ZNF512: variants seen among roughly 807,000 people sequenced by gnomAD.
ZNF512 encodes the protein zinc finger protein 512.
ZNF512 carries 25 observed loss-of-function variants against 77.5 expected under a neutral mutation model. The ratio of observed to expected loss-of-function variants is 0.32; its 90% CI spans 0.23 to 0.45. The LOEUF (loss-of-function observed/expected upper bound fraction) is 0.45, where lower values mean the gene tolerates loss of function less well. Ranked by LOEUF, ZNF512 falls within the 20% of genes least tolerant of loss-of-function variation. The probability of loss-of-function intolerance (pLI) is 1.00; values close to 1 mark genes in which losing one functional copy is unlikely to be tolerated. For synonymous variants in ZNF512, 246 were observed against 239.9 expected (o/e 1.03, Z -0.24); for missense variants, 483 against 692.6 (o/e 0.70, Z 3.40).
intron 10 of ZNF512, among the ~76,000 whole-genome samples, chr2:27,614,319 A>G (rs1672790127): frequency 6.6e-6 from 1 of 152,010 alleles, no homozygotes; most frequent in South Asian, 2.1e-4. Flanking sequence ...GGAGAGATCA[A>G]CTCATGTCAA....
chr2:27,615,056 C>T, intron 10 of ZNF512, 112 bp from the exon 11 acceptor site: 6 of 643,802 alleles, frequency 9.3e-6, no homozygotes, highest in Non-Finnish European at 1.6e-5. Context: ...TTTTTGTGTA[C>T]AAGAGTATAG....
chr2:27,602,845 A>G (rs1278602139), intron 8 of ZNF512, among the ~76,000 whole-genome samples: 7 of 151,970 alleles, frequency 4.6e-5, no homozygotes, highest in African/African-American at 1.2e-4. Flanking sequence ...ATTGCTGGGT[A>G]TTTGATATTG....
chr2:27,607,879 G>A lies in ZNF512; in HGVS notation c.971G>A (p.Cys324Tyr). 3.7e-6 allele frequency: 6 copies of A among 1,614,162 alleles called. 1 individual carries two copies. Among genetic ancestry groups the A allele is most frequent in the Middle Eastern group, 3.3e-4 (2 of 6,062 alleles). Residue 324 changes from cysteine to tyrosine, a missense_variant, in exon 10 of 14, where the codon TGC (cysteine) becomes TAC (tyrosine). By Grantham distance (194) the Cys-to-Tyr change is radical (BLOSUM62 -2). This residue lies in a region of ZNF512 where 324 missense variants were observed against 525.0 expected (regional missense o/e 0.62). Coordinates refer to ENST00000355467, the MANE Select transcript of ZNF512 (RefSeq NM_032434.4). ...TTTCCAGAGTCAGGACAGCCAGAGT[G>A]CTTAAAGGAGATGAACCTAGAGTCA... ...SFFPESGQPE[C>Y]LKEMNLESKS... is the part of the protein sequence containing the mutation.
At position 27,600,039 on chromosome 2, in the gene ZNF512, C is replaced by T; in HGVS notation, c.443C>T (p.Pro148Leu). 6 of 1,614,128 alleles carry T rather than the reference C, an allele frequency of 3.7e-6. No homozygotes were observed. The highest frequency in any genetic ancestry group is 5.1e-6 in the Non-Finnish European group (6 of 1,180,020). ...GCCCGTCGTATTCGGAAGGAACCACCAGTTTATGCAGCAGGTATGTTTTCT... is the reference window on the plus strand; with the variant it reads ...GCCCGTCGTATTCGGAAGGAACCACTAGTTTATGCAGCAGGTATGTTTTCT... Reference protein sequence around the residue: ...SQARRIRKEPPVYAAGSLEEQ... With the variant: ...SQARRIRKEPLVYAAGSLEEQ... Residue 148 changes from proline to leucine, a missense_variant, in exon 5 of 14, where the codon CCA (proline) becomes CTA (leucine). Physicochemically the swap from Pro to Leu is moderately conservative, Grantham distance 98. Around this residue, in one of 2 missense-constraint regions of ZNF512, gnomAD observed 324 missense variants for 525.0 expected, o/e 0.62. Coordinates refer to ENST00000355467, the MANE Select transcript of ZNF512 (RefSeq NM_032434.4).
At position 27,600,665 on chromosome 2, in the gene ZNF512, A is replaced by T. The variant is rs1276365041; in HGVS notation, c.458-26A>T. On this transcript the variant is annotated intron_variant, in intron 5 of 13. Coordinates refer to ENST00000355467, the MANE Select transcript of ZNF512 (RefSeq NM_032434.4). ...GTTTCTGGAGAATACTGCAGATTACAAAGTGTTTCTTTCTCTCCTTTGTAG... is the reference window on the plus strand; with the variant it reads ...GTTTCTGGAGAATACTGCAGATTACTAAGTGTTTCTTTCTCTCCTTTGTAG... 2.5e-6 allele frequency: 4 copies of T among 1,605,644 alleles called. No homozygotes were observed. In the Admixed American group the frequency reaches 6.9e-5, roughly 28 times the overall value.
At chr2:27,607,760 T>G (rs756603569) in intron 9 of ZNF512, 85 bp from the exon 10 acceptor site, 28 of 1,282,620 alleles carry the variant, frequency 2.2e-5, no homozygotes, top group Admixed American at 3.9e-5. Flanking sequence ...TTTTGATATT[T>G]AGAGCAGGAA....
intron 10 of ZNF512, 148 bp from the exon 11 acceptor site, chr2:27,615,020 T>G (rs748525434): frequency 3.9e-6 from 2 of 509,376 alleles, no homozygotes; most frequent in Non-Finnish European, 6.9e-6. Flanking sequence ...TTTCAGGTAC[T>G]TTATAGGGTC....
intron 2 of ZNF512, 31 bp downstream of exon 2, chr2:27,583,747 A>G: frequency 1.9e-6 from 3 of 1,612,152 alleles, no homozygotes; most frequent in Non-Finnish European, 2.5e-6. Context: ...TCCTTTTATG[A>G]TTGTGTCACC....
Position 27,599,673 on chromosome 2 carries a change from T to G in ZNF512, c.368T>G (p.Leu123Arg). The change falls in exon 4 of 14, where the codon CTT (leucine) becomes CGT (arginine). Residue 123 changes from leucine (L) to arginine (R), a missense_variant. This residue lies in a region of ZNF512 where 159 missense variants were observed against 167.5 expected (regional missense o/e 0.95). Coordinates refer to ENST00000355467, the MANE Select transcript of ZNF512 (RefSeq NM_032434.4). ...GAATTTCCTCAGAAGAAGCATAAGC[T>G]TTATGGTAAGGCAGTAACTTTGCTA... ...YREFPQKKHK[L>R]YGRKQRPKTQ... 6.2e-7 allele frequency: 1 copy of G among 1,613,660 alleles called. No homozygotes were observed. Among genetic ancestry groups the G allele is most frequent in the East Asian group, 2.2e-5 (1 of 44,890 alleles).
Position 27,616,294 on chromosome 2 carries a change from C to T in ZNF512, c.1266C>T (p.Gly422=). The T allele has an allele frequency of 6.2e-7, 1 of 1,614,014 alleles. No individual in the cohort carries two copies. Among genetic ancestry groups the T allele is most frequent in the Non-Finnish European group, 8.5e-7 (1 of 1,179,910 alleles). ...GCEAVYSSVS[G]LKAHLGSCTL... is the part of the protein sequence containing the mutation. ...AGGCTGTCTACAGCAGTGTATCTGG[C>T]CTTAAAGCTCACCTGGGCTCTTGTA... The change falls in exon 12 of 14, where the codon GGC becomes GGT. Residue 422 remains glycine, a synonymous_variant. Transcript: ENST00000355467.
chr2:27,586,132 G>A (rs1422264274), intron 2 of ZNF512, among the ~76,000 whole-genome samples: 1 of 152,182 alleles, frequency 6.6e-6, no homozygotes, highest in Non-Finnish European at 1.5e-5. Context: ...TACACTGATA[G>A]TAAGAAATTC....
At chr2:27,616,181 G>A (rs1241336060) in intron 11 of ZNF512, 81 bp from the exon 12 acceptor site, 1 of 957,220 alleles carries the variant, frequency 1.0e-6, no homozygotes, top group Non-Finnish European at 1.6e-6. Flanking sequence ...CAAATGTGGA[G>A]TTGGTCAGTG....
At position 27,621,217 on chromosome 2, in the gene ZNF512, G is replaced by A. The variant is rs867304136; in HGVS notation, c.1460G>A (p.Arg487Gln). 3.7e-6 allele frequency: 6 copies of A among 1,614,136 alleles called. No homozygotes were observed. Among genetic ancestry groups the A allele is most frequent in the South Asian group, 1.1e-5 (1 of 91,082 alleles). ...GAAAAGCTGATGAAGATAAAGCAGC[G>A]GCAGCAAGAAGAAGAAAAGCGGAGG... ...SFEKLMKIKQ[R>Q]QQEEEKRRQQ... Residue 487 changes from arginine to glutamine, a missense_variant, in exon 14 of 14, where the codon CGG becomes CAG. Arg to Gln is a conservative substitution (Grantham distance 43). Around this residue, in one of 2 missense-constraint regions of ZNF512, gnomAD observed 324 missense variants for 525.0 expected, o/e 0.62. Transcript: ENST00000355467.
chr2:27,600,155 G>GA, intron 5 of ZNF512, 102 bp downstream of exon 5: 1 of 1,335,256 alleles, frequency 7.5e-7, no homozygotes, highest in South Asian at 1.3e-5. Flanking sequence ...TTTCTTTAAG[G>GA]AGGCAGTTAC....
Position 27,595,284 on chromosome 2 carries a change from G to T in ZNF512, c.90-2783G>T, listed in dbSNP as rs973445562. On this transcript the variant is annotated intron_variant, in intron 2 of 13. Transcript: ENST00000355467. ...TTTTTTCTCTTTGTTCTTCAGACTG[G>T]TTTTTTTTCTTTTCTTTTCTTTTTT... Among the ~76,000 whole-genome samples, 8 of 150,396 alleles carry T rather than the reference G, an allele frequency of 5.3e-5. No homozygotes were observed. The East Asian group carries it at 5.8e-4, about 11-fold the overall frequency.
chr2:27,583,340 C>T (rs1671195063), intron 1 of ZNF512, 198 bp downstream of exon 1: 5 of 1,287,012 alleles, frequency 3.9e-6, no homozygotes, highest in Admixed American at 5.0e-5. Flanking sequence ...GATTTAATTC[C>T]TCGCCACATT....
chr2:27,598,038 T>C (rs559688573), intron 2 of ZNF512, 29 bp from the exon 3 acceptor site: 1 of 1,489,742 alleles, frequency 6.7e-7, no homozygotes, highest in African/African-American at 1.4e-5. Context: ...AGACCTTCCT[T>C]TGTGGTATAT....
rs913955797 is a variant in ZNF512 at position 27,622,451 on chromosome 2, T to C, written c.*990T>C. The C allele has an allele frequency of 1.3e-5, 2 of 152,852 alleles. No homozygotes were observed. The highest frequency in any genetic ancestry group is 3.7e-4 in the East Asian group (2 of 5,342). The allele number at this position is 152,852 out of a possible 1,614,324, so 9.5% of individuals were successfully genotyped here. A position where few individuals can be genotyped will look rare whatever the true frequency, so the allele number is the denominator to read the frequency against. ...ATCCCCTTAGCCAACCTCTGTCTTTTTGAATTTTCTGAGAATATTGTCCTA... is the reference window on the plus strand; with the variant it reads ...ATCCCCTTAGCCAACCTCTGTCTTTCTGAATTTTCTGAGAATATTGTCCTA... On this transcript the variant is annotated 3_prime_UTR_variant, in exon 14 of 14. Transcript: ENST00000355467.
At chr2:27,606,679 G>T (rs1050810931) in intron 9 of ZNF512, among the ~76,000 whole-genome samples, 2 of 152,056 alleles carry the variant, frequency 1.3e-5, no homozygotes, top group African/African-American at 4.8e-5. Flanking sequence ...ATAATTTTCT[G>T]TTGCTACTGT....
Sources: allele counts gnomAD v4.1 joint callset (sites outside exome capture counted in the v4.1 genomes callset), GRCh38; gene constraint gnomAD v4.1.1; regional missense constraint gnomAD v4.1.1; transcripts MANE v1.5; gene names NCBI Gene and HGNC (gene_info 2026-07-23, HGNC 2026-07-21).